The following APBA2 variants were observed in gnomAD, a reference collection of about 807,000 sequenced individuals.
APBA2 encodes amyloid-beta A4 precursor protein-binding family A member 2.
In APBA2, 30 loss-of-function variants were observed where a neutral mutation model predicts 75.0. The observed-to-expected ratio is 0.40, with a 90% CI of 0.30 to 0.54. The LOEUF is 0.54. Ranked by LOEUF, APBA2 falls within the 20% of genes least tolerant of loss-of-function variation. APBA2 has a pLI of 0.49. For synonymous variants in APBA2, 444 were observed against 409.6 expected, an observed-to-expected ratio of 1.08 and a Z score of -1.01; for missense variants, 801 against 1,016.1, an observed-to-expected ratio of 0.79 and a Z score of 2.88.
intron 2 of APBA2, among the ~76,000 whole-genome samples, chr15:28,922,039 G>A (rs943720856): frequency 1.3e-5 from 2 of 152,156 alleles, no homozygotes; most frequent in African/African-American, 2.4e-5. Flanking sequence ...GTCTCACCTC[G>A]GAGATCCTGT....
rs1301485834 is a variant in APBA2, at chr15:28,987,725, GAGAGATATATAT to G, written c.-94-8026_-94-8015del. 8.4e-5 allele frequency among the ~76,000 whole-genome samples: 10 copies of G among 118,562 alleles called. 1 individual carries two copies. Among genetic ancestry groups the G allele is most frequent in the South Asian group, 3.2e-4 (1 of 3,126 alleles). 77.8% of individuals were successfully genotyped at this position (118,562 alleles called of 152,430 possible). Reference sequence around the variant, plus strand: ...AAGGGAGTGTCAAAGAATATGTGGAGAGAGATATATATATATATATATATATATTCTTTTTTT... The same window carrying G: ...AAGGGAGTGTCAAAGAATATGTGGAGATATATATATATATATTCTTTTTTT... On this transcript the variant is annotated intron_variant, in intron 2 of 14. Transcript: ENST00000683413.
At chr15:28,887,522 C>T (rs1412583201) in intron 1 of APBA2, among the ~76,000 whole-genome samples, 2 of 152,106 alleles carry the variant, frequency 1.3e-5, no homozygotes, top group African/African-American at 4.8e-5. Flanking sequence ...TCCTGTGTGT[C>T]GCCACTACGC....
chr15:29,114,494 A>C (rs11637374), intron 14 of APBA2, among the ~76,000 whole-genome samples: 110,690 of 151,902 alleles, frequency 0.73, 43,319 homozygotes, highest in Non-Finnish European at 0.89. Flanking sequence ...GCTCACAAGG[A>C]GGCAGGATCA....
At chr15:28,973,012 A>G (rs1449422881) in intron 2 of APBA2, among the ~76,000 whole-genome samples, 1 of 152,214 alleles carries the variant, frequency 6.6e-6, no homozygotes, top group African/African-American at 2.4e-5. Context: ...ATGGCATTTA[A>G]TTTGGAGAAC....
intron 8 of APBA2, among the ~76,000 whole-genome samples, chr15:29,095,090 A>T: frequency 6.6e-6 from 1 of 151,694 alleles, no homozygotes; most frequent in East Asian, 1.9e-4. Flanking sequence ...AAAGAAACAA[A>T]AAAAGAAAAT....
chr15:28,886,751 C>T (rs2152592498), intron 1 of APBA2, among the ~76,000 whole-genome samples: 1 of 152,322 alleles, frequency 6.6e-6, no homozygotes, highest in East Asian at 1.9e-4. Context: ...GATCTTCGCC[C>T]CCTTCCCTTT....
chr15:29,100,377 A>C (rs947553121), intron 9 of APBA2, among the ~76,000 whole-genome samples: 7 of 152,262 alleles, frequency 4.6e-5, no homozygotes, highest in African/African-American at 1.7e-4. Flanking sequence ...ATGCACTGCA[A>C]AGTGGATTCT....
At chr15:28,947,613 C>T (rs1477232989) in intron 2 of APBA2, among the ~76,000 whole-genome samples, 1 of 152,150 alleles carries the variant, frequency 6.6e-6, no homozygotes, top group African/African-American at 2.4e-5. Context: ...ATGAGAGGCC[C>T]GTAGCCCAGG....
chr15:28,910,191 G>A (rs1236178011), intron 1 of APBA2, among the ~76,000 whole-genome samples: 1 of 152,176 alleles, frequency 6.6e-6, no homozygotes, highest in Non-Finnish European at 1.5e-5. Flanking sequence ...GCTTACTTTG[G>A]TCTGAGTAAA....
chr15:29,040,055 A>G (rs184703211), intron 3 of APBA2, among the ~76,000 whole-genome samples: 1 of 152,240 alleles, frequency 6.6e-6, no homozygotes, highest in East Asian at 1.9e-4. Flanking sequence ...TTGTGGCCAG[A>G]GGGTTGAAAA....
chr15:28,901,164 G>T (rs1024855928), intron 1 of APBA2, among the ~76,000 whole-genome samples: 1 of 152,210 alleles, frequency 6.6e-6, no homozygotes, highest in East Asian at 1.9e-4. Context: ...TGTGTCTTCA[G>T]CCATACTGCA....
intron 3 of APBA2, among the ~76,000 whole-genome samples, chr15:29,009,441 C>G (rs1328883589): frequency 6.6e-6 from 1 of 152,002 alleles, no homozygotes; most frequent in Non-Finnish European, 1.5e-5. Context: ...CAGAAAAGTA[C>G]AAAAATCCTA....
chr15:29,092,845 T>G (rs1009779365), intron 6 of APBA2, among the ~76,000 whole-genome samples: 1 of 151,010 alleles, frequency 6.6e-6, no homozygotes, highest in Admixed American at 6.6e-5. Flanking sequence ...TGACACTGTT[T>G]GTGCAGAGTT....
At chr15:28,957,868 C>T (rs1252269006) in intron 2 of APBA2, among the ~76,000 whole-genome samples, 1 of 152,142 alleles carries the variant, frequency 6.6e-6, no homozygotes, top group African/African-American at 2.4e-5. Flanking sequence ...GGGTGCCATC[C>T]CCAAGGCAGA....
intron 2 of APBA2, among the ~76,000 whole-genome samples, chr15:28,976,077 CAG>C: frequency 6.6e-6 from 1 of 152,296 alleles, no homozygotes; most frequent in South Asian, 2.1e-4. Flanking sequence ...AATAAAGTAA[CAG>C]ATATGTTTCT....
At chr15:28,982,242 A>G (rs66474152) in intron 2 of APBA2, among the ~76,000 whole-genome samples, 21,744 of 152,240 alleles carry the variant, frequency 0.14, 4,634 homozygotes, top group African/African-American at 0.47. Flanking sequence ...GTTTATTTTA[A>G]GCCATGTTGA....
At chr15:28,915,123 ACT>A (rs2033613481) in intron 1 of APBA2, among the ~76,000 whole-genome samples, 5 of 70,408 alleles carry the variant, frequency 7.1e-5, no homozygotes, top group Admixed American at 1.6e-4. Flanking sequence ...CACACCACAC[ACT>A]TAACCCATAT....
chr15:29,003,294 G>A (rs1394035478), intron 3 of APBA2, among the ~76,000 whole-genome samples: 1 of 152,142 alleles, frequency 6.6e-6, no homozygotes, highest in Non-Finnish European at 1.5e-5. Context: ...TCAGAAACTC[G>A]CTTCACAATC....
At chr15:28,949,373 A>G (rs4300616) in intron 2 of APBA2, among the ~76,000 whole-genome samples, 41,761 of 152,096 alleles carry the variant, frequency 0.27, 10,433 homozygotes, top group African/African-American at 0.64. Flanking sequence ...GCGGAAGAGC[A>G]CTTTCCAGGG....
Sources: gnomAD v4.1 joint callset for allele counts (sites outside exome capture counted in the v4.1 genomes callset) on GRCh38, gnomAD v4.1.1 for gene constraint, MANE v1.5 for transcripts, NCBI Gene and HGNC (gene_info 2026-07-23, HGNC 2026-07-21) for gene names.